The following MST1R variants were observed in gnomAD, a reference collection of about 807,000 sequenced individuals.
MST1R encodes the protein macrophage stimulating 1 receptor, also known as macrophage-stimulating protein receptor.
A neutral mutation model predicts 117.8 loss-of-function variants in MST1R; 99 were observed. The observed-to-expected ratio is 0.84, with a 90% CI of 0.71 to 0.99. The LOEUF is 0.99. Ranked by LOEUF, MST1R falls within the 50% of genes least tolerant of loss-of-function variation. The pLI is 0.00. For missense variants in MST1R, 1,683 were observed against 1,840.2 expected (o/e 0.91, Z 1.56); for synonymous variants, 734 against 765.3 (o/e 0.96, Z 0.68).
In MST1R at chr3:49,895,763, G is replaced by C. The variant is rs1376670304; in HGVS notation, c.2914C>G (p.Leu972Val). 14 of 1,613,434 alleles carry C rather than the reference G, an allele frequency of 8.7e-6. No homozygotes were observed. In the Middle Eastern group the frequency reaches 6.6e-4, roughly 76 times the overall value. ...TAGCTGAAGACCAGTGCAGTCGCCAGTGCAGCCACAAGCAGCAGCAAAGGC... is the reference window on the plus strand; with the variant it reads ...TAGCTGAAGACCAGTGCAGTCGCCACTGCAGCCACAAGCAGCAGCAAAGGC... ...LLPLLLLVAA[L>V]ATALVFSYWW... The change falls in exon 12 of 20, where the codon CTG (leucine) becomes GTG (valine). Residue 972 changes from leucine (L) to valine (V), a missense_variant. Coordinates refer to ENST00000296474, the MANE Select transcript of MST1R (RefSeq NM_002447.4).
chr3:49,900,764 C>T (rs2108489787), intron 1 of MST1R, among the ~76,000 whole-genome samples: 1 of 152,286 alleles, frequency 6.6e-6, no homozygotes, highest in African/African-American at 2.4e-5. Context: ...CCCTAGCCTG[C>T]TTGTCCCTAG....
In MST1R at chr3:49,891,470, C is replaced by A; in HGVS notation, c.3463G>T (p.Gly1155Cys). 1 of 1,613,978 alleles carries A rather than the reference C, an allele frequency of 6.2e-7. No homozygotes were observed. The highest frequency in any genetic ancestry group is 2.2e-5 in the East Asian group (1 of 44,888). ...TAGGGCAGCAGCACATGGGGCAGGC[C>A]CTCAGGTGGCAACATGATACCAATG... The part of the protein sequence containing the change: ...ALIGIMLPPE[G>C]LPHVLLPYMC... The change falls in exon 16 of 20, where the codon GGC becomes TGC. Residue 1155 changes from glycine (G) to cysteine (C), a missense_variant. By Grantham distance (159) the Gly-to-Cys change is radical. Coordinates refer to ENST00000296474, the MANE Select transcript of MST1R (RefSeq NM_002447.4).
Position 49,887,466 on chromosome 3 carries a change from C to T in MST1R, c.4044G>A (p.Leu1348=), listed in dbSNP as rs145780232. 5.4e-5 allele frequency: 87 copies of T among 1,614,244 alleles called. No individual in the cohort carries two copies. In the African/African-American group the frequency reaches 9.3e-4, roughly 17 times the overall value. Residue 1348 remains leucine (L), a synonymous_variant, in exon 20 of 20, where the codon CTG becomes CTA. Coordinates refer to ENST00000296474, the MANE Select transcript of MST1R (RefSeq NM_002447.4). ...VGEVEQIVSA[L]LGDHYVQLPA... ...GCAGCTGCACATAATGGTCCCCAAG[C>T]AGTGCAGACACTATCTGCTCCACCT...
In MST1R at chr3:49,889,997, C is replaced by A; in HGVS notation, c.3874G>T (p.Asp1292Tyr). The A allele has an allele frequency of 3.7e-6, 6 of 1,613,972 alleles. No homozygotes were observed. The highest frequency in any genetic ancestry group is 5.1e-6 in the Non-Finnish European group (6 of 1,179,936). ...AGGAAGTGGGTAAGGTCAAAAGGGT[C>A]AATGTGGCGGTATGGTGGGGCACCC... ...TRGAPPYRHIDPFDLTHFLAQ... is the reference protein window; with the variant it reads ...TRGAPPYRHIYPFDLTHFLAQ... Residue 1292 changes from aspartate to tyrosine, a missense_variant, in exon 19 of 20, where the codon GAC becomes TAC. Transcript: ENST00000296474.
At chr3:49,897,498 A>T in intron 6 of MST1R, 22 bp downstream of exon 6, 19 of 1,611,676 alleles carry the variant, frequency 1.2e-5, no homozygotes, top group Non-Finnish European at 1.6e-5. Context: ...CCAAGGGCAC[A>T]GACAGGGCAA....
rs927919484 is a variant in MST1R at position 49,903,209 on chromosome 3, C to T, written c.401G>A (p.Ser134Asn). 4 of 1,606,700 alleles carry T rather than the reference C, an allele frequency of 2.5e-6. No individual in the cohort carries two copies. The highest frequency in any genetic ancestry group is 3.4e-6 in the Non-Finnish European group (4 of 1,179,992). ...VLDPALPALV[S>N]CGSSLQGRCF... Reference sequence around the variant, plus strand: ...GCGGCCCTGCAGGCTGGAGCCACAACTGACCAGCGCAGGCAGCGCGGGATC... The same window carrying T: ...GCGGCCCTGCAGGCTGGAGCCACAATTGACCAGCGCAGGCAGCGCGGGATC... Residue 134 changes from serine (S) to asparagine (N), a missense_variant, in exon 1 of 20, where the codon AGT becomes AAT. Ser to Asn is a conservative substitution (Grantham distance 46). Coordinates refer to ENST00000296474, the MANE Select transcript of MST1R (RefSeq NM_002447.4).
chr3:49,887,473 G>A lies in MST1R; in HGVS notation c.4037C>T (p.Ser1346Phe), dbSNP rs746382384. Residue 1346 changes from serine (S) to phenylalanine (F), a missense_variant, in exon 20 of 20, where the codon TCT becomes TTT. Transcript: ENST00000296474. ...CACATAATGGTCCCCAAGCAGTGCA[G>A]ACACTATCTGCTCCACCTCCCCCAC... ...VLVGEVEQIV[S>F]ALLGDHYVQL... 1 of 1,614,116 alleles carries A rather than the reference G, an allele frequency of 6.2e-7. No individual in the cohort carries two copies. Among genetic ancestry groups the A allele is most frequent in the Non-Finnish European group, 8.5e-7 (1 of 1,180,048 alleles).
Position 49,897,281 on chromosome 3 carries a change from G to T in MST1R, c.2182C>A (p.Arg728=). 2 of 1,604,064 alleles carry T rather than the reference G, an allele frequency of 1.2e-6. No homozygotes were observed. Among genetic ancestry groups the T allele is most frequent in the Non-Finnish European group, 1.7e-6 (2 of 1,174,728 alleles). The change falls in exon 7 of 20, where the codon CGG becomes AGG. Residue 728 remains arginine, a splice_region_variant and synonymous_variant. Coordinates refer to ENST00000296474, the MANE Select transcript of MST1R (RefSeq NM_002447.4). ...LVNGTECLLA[R]VSEGQLLCAT... is the part of the protein sequence containing the mutation. Reference sequence around the variant, plus strand: ...CCATGCCTGCCTGGTGGTACTTACCGTGCTAGCAGACACTCAGTCCCATTG... The same window carrying T: ...CCATGCCTGCCTGGTGGTACTTACCTTGCTAGCAGACACTCAGTCCCATTG...
In MST1R at chr3:49,891,527, G is replaced by C. The variant is rs766187988; in HGVS notation, c.3406C>G (p.Arg1136Gly). Residue 1136 changes from arginine to glycine, a missense_variant, in exon 16 of 20, where the codon CGT becomes GGT. Arg to Gly is a moderately radical substitution (Grantham distance 125). Transcript: ENST00000296474. ...AGCACATTCGGGTGGTTCAGGCCAC[G>C]CATGAGCAGCCCCTCTCGCAGGAAG... ...EAFLREGLLM[R>G]GLNHPNVLAL... The C allele has an allele frequency of 1.2e-6, 2 of 1,613,966 alleles. No individual in the cohort carries two copies. Among genetic ancestry groups the C allele is most frequent in the Admixed American group, 1.7e-5 (1 of 60,026 alleles).
At chr3:49,899,534 T>C (rs1044498896) in intron 1 of MST1R, 34 of 304,928 alleles carry the variant, frequency 1.1e-4, no homozygotes, top group Non-Finnish European at 2.1e-4. Flanking sequence ...TTACCCCCAT[T>C]CCATCCTCAC....
chr3:49,891,857 T>C lies in MST1R; in HGVS notation c.3272-19A>G. ...AAGTGGCCTGGTGTGAGGTGCATAA[T>C]GAGTCGATGAGAGGGGATCCAGGGC... On this transcript the variant is annotated intron_variant, in intron 14 of 19. Transcript: ENST00000296474. The C allele has an allele frequency of 6.2e-7, 1 of 1,611,776 alleles. No individual in the cohort carries two copies.
In MST1R at chr3:49,895,868, C is replaced by A; in HGVS notation, c.2809G>T (p.Gly937Cys). 6.2e-7 allele frequency: 1 copy of A among 1,605,892 alleles called. No homozygotes were observed. The highest frequency in any genetic ancestry group is 8.5e-7 in the Non-Finnish European group (1 of 1,175,446). The change falls in exon 12 of 20, where the codon GGT becomes TGT. Residue 937 changes from glycine to cysteine, a missense_variant. Coordinates refer to ENST00000296474, the MANE Select transcript of MST1R (RefSeq NM_002447.4). ...DGAPLQVCVD[G>C]ECHILGRVVR... is the part of the protein sequence containing the mutation. ...ACTCTACCCAGGATATGACATTCAC[C>A]ATCTACGCAGACCTGGGGGCAGGTG...
chr3:49,895,915 G>A (rs2082453165), intron 11 of MST1R, 35 bp from the exon 12 acceptor site: 4 of 1,576,568 alleles, frequency 2.5e-6, no homozygotes, highest in Non-Finnish European at 2.6e-6. Flanking sequence ...CCAGCCTGTA[G>A]GCCCTCTGCC....
Position 49,896,238 on chromosome 3 carries a change from T to G in MST1R, c.2606A>C (p.Asn869Thr). 1 of 1,614,112 alleles carries G rather than the reference T, an allele frequency of 6.2e-7. No homozygotes were observed. The highest frequency in any genetic ancestry group is 1.3e-5 in the African/African-American group (1 of 75,016). The change falls in exon 10 of 20, where the codon AAC becomes ACC. Residue 869 changes from asparagine to threonine, a missense_variant. Coordinates refer to ENST00000296474, the MANE Select transcript of MST1R (RefSeq NM_002447.4). ...FLPPPHPPSA[N>T]LVPLKPEEHA... The stretch of plus-strand genomic sequence containing the variant: ...CTCCTCAGGCTTCAGTGGAACTAGG[T>G]TGGCACTGGGTGGATGGGGTGGGGG...
At chr3:49,891,878 A>G in intron 14 of MST1R, 40 bp from the exon 15 acceptor site, 4 of 1,576,252 alleles carry the variant, frequency 2.5e-6, no homozygotes, top group Admixed American at 3.3e-5. Flanking sequence ...GAGGGGATCC[A>G]GGGCCCAAGG....
At position 49,895,854 on chromosome 3, in the gene MST1R, G is replaced by A. The variant is rs201143544; in HGVS notation, c.2823C>T (p.Ile941=). ...LQVCVDGECH[I]LGRVVRPGPD... is the part of the protein sequence containing the mutation. ...GCCCTGGCCGCACCACTCTACCCAGGATATGACATTCACCATCTACGCAGA... is the reference window on the plus strand; with the variant it reads ...GCCCTGGCCGCACCACTCTACCCAGAATATGACATTCACCATCTACGCAGA... Residue 941 remains isoleucine (I), a synonymous_variant, in exon 12 of 20, where the codon ATC becomes ATT. Transcript: ENST00000296474. 6.2e-7 allele frequency: 1 copy of A among 1,611,328 alleles called. No individual in the cohort carries two copies. The highest frequency in any genetic ancestry group is 8.5e-7 in the Non-Finnish European group (1 of 1,178,552).
rs1304310862 is a variant in MST1R, at chr3:49,898,045, T to C, written c.1880+6A>G. On this transcript the variant is annotated splice_donor_region_variant and intron_variant, in intron 5 of 19. Transcript: ENST00000296474. ...AGGGAAAGGGAGGGGAGGGACCAGA[T>C]TGTACCTGAGTTTTGAGCTGTCCTT... 3 of 1,613,956 alleles carry C rather than the reference T, an allele frequency of 1.9e-6. No homozygotes were observed. Among genetic ancestry groups the C allele is most frequent in the Admixed American group, 1.7e-5 (1 of 60,002 alleles).
rs765173601 is a variant in MST1R, at chr3:49,896,137, T to C, written c.2650-30A>G. 2.3e-5 allele frequency: 37 copies of C among 1,613,990 alleles called. 1 individual carries two copies. In the South Asian group the frequency reaches 4.0e-4, roughly 17 times the overall value. On this transcript the variant is annotated intron_variant, in intron 10 of 19. Transcript: ENST00000296474. The stretch of plus-strand genomic sequence containing the variant: ...AGAGAGGGTCATGAGGACCAGCCAG[T>C]AGGCTGGCCCCTACTTTCAGATCCC...
Position 49,902,806 on chromosome 3 carries a change from G to A in MST1R, c.804C>T (p.Ser268=), listed in dbSNP as rs1386609113. ...FVYFLTVQPA[S]VTDDPSALHT... ...GCAGGGCACTAGGATCATCTGTCAC[G>A]CTGGCCGGCTGTACAGTCAGGAAGT... Residue 268 remains serine (S), a synonymous_variant, in exon 1 of 20, where the codon AGC becomes AGT. Coordinates refer to ENST00000296474, the MANE Select transcript of MST1R (RefSeq NM_002447.4). The A allele has an allele frequency of 3.7e-6, 6 of 1,613,830 alleles. No homozygotes were observed. In the Middle Eastern group the frequency reaches 4.9e-4, roughly 133 times the overall value.
Sources: allele counts gnomAD v4.1 joint callset (sites outside exome capture counted in the v4.1 genomes callset), GRCh38; gene constraint gnomAD v4.1.1; transcripts MANE v1.5; gene names NCBI Gene and HGNC (gene_info 2026-07-23, HGNC 2026-07-21).